Variants in MYO16 observed in about 807,000 individuals in gnomAD.
The protein encoded by MYO16 is myosin XVI.
In MYO16, 94 loss-of-function variants were observed where a neutral mutation model predicts 205.3. That is an observed-to-expected ratio of 0.46 (90% CI 0.39 to 0.54). The LOEUF (loss-of-function observed/expected upper bound fraction) is 0.54. MYO16 is among the 20% of genes least tolerant of loss of function. The pLI is 0.00. For synonymous variants in MYO16, 988 were observed against 954.0 expected, an observed-to-expected ratio of 1.04 and a Z score of -0.66; for missense variants, 2,315 against 2,387.5, an observed-to-expected ratio of 0.97 and a Z score of 0.63.
chr13:108,600,538 T>G (rs1878725189), intron 1 of MYO16, among the ~76,000 whole-genome samples: 1 of 152,250 alleles, frequency 6.6e-6, no homozygotes, highest in Non-Finnish European at 1.5e-5. Context: ...CTTTAGAAAT[T>G]TTTACTACTA....
chr13:108,714,437 G>C (rs1011647050), intron 3 of MYO16, among the ~76,000 whole-genome samples: 17 of 152,250 alleles, frequency 1.1e-4, no homozygotes, highest in African/African-American at 4.1e-4. Flanking sequence ...GAACATATCA[G>C]TGCAAGTCAT....
intron 1 of MYO16, among the ~76,000 whole-genome samples, chr13:108,651,968 T>C (rs1881025117): frequency 6.6e-6 from 1 of 152,144 alleles, no homozygotes; most frequent in African/African-American, 2.4e-5. Flanking sequence ...TTTTTTAGGC[T>C]CTGGGGGAGT....
the MYO16 span, among the ~76,000 whole-genome samples, chr13:108,501,924 G>A: frequency 2.0e-5 from 3 of 152,176 alleles, no homozygotes. Flanking sequence ...TAATTGTGAT[G>A]CCAGAAAAGA....
intron 23 of MYO16, among the ~76,000 whole-genome samples, chr13:109,040,122 C>T (rs1223477322): frequency 6.6e-6 from 1 of 151,842 alleles, no homozygotes; most frequent in African/African-American, 2.4e-5. Context: ...TTCAATTCAC[C>T]CAATATGAAA....
intron 15 of MYO16, among the ~76,000 whole-genome samples, chr13:108,905,730 T>A (rs1880938939): frequency 6.6e-6 from 1 of 151,448 alleles, no homozygotes; most frequent in Non-Finnish European, 1.5e-5. Flanking sequence ...TTTCTTTTGA[T>A]GATATTGTTT....
intron 10 of MYO16, among the ~76,000 whole-genome samples, chr13:108,850,136 A>C (rs2139087503): frequency 6.7e-6 from 1 of 150,114 alleles, no homozygotes; most frequent in South Asian, 2.1e-4. Context: ...TGTGTGTGTA[A>C]CTTATCCATA....
intron 23 of MYO16, among the ~76,000 whole-genome samples, chr13:109,040,226 G>T (rs945974875): frequency 1.3e-5 from 2 of 151,992 alleles, no homozygotes; most frequent in African/African-American, 4.8e-5. Flanking sequence ...TTTCACTGGA[G>T]AATTCTACCA....
At chr13:108,665,723 C>T (rs932060075) in intron 1 of MYO16, among the ~76,000 whole-genome samples, 163 bp from the exon 2 acceptor site, 1 of 152,052 alleles carries the variant, frequency 6.6e-6, no homozygotes, top group African/African-American at 2.4e-5. Context: ...ACTATTTTTC[C>T]CCAATCTATA....
chr13:108,529,329 A>G, the MYO16 span, among the ~76,000 whole-genome samples: 1 of 152,060 alleles, frequency 6.6e-6, no homozygotes, highest in African/African-American at 2.4e-5. Context: ...CCTTGAGGAG[A>G]GTATACTCTT....
At chr13:109,038,593 G>A (rs563941717) in intron 23 of MYO16, among the ~76,000 whole-genome samples, 1 of 152,116 alleles carries the variant, frequency 6.6e-6, no homozygotes, top group South Asian at 2.1e-4. Flanking sequence ...AATTATGTGA[G>A]CCAATAACTC....
At chr13:108,736,963 C>G (rs187103827) in intron 4 of MYO16, among the ~76,000 whole-genome samples, 2 of 152,232 alleles carry the variant, frequency 1.3e-5, no homozygotes, top group Admixed American at 1.3e-4. Flanking sequence ...TATAAGAATG[C>G]TTGAGATTTT....
At chr13:108,559,855 T>G in the MYO16 span, among the ~76,000 whole-genome samples, 2 of 152,088 alleles carry the variant, frequency 1.3e-5, no homozygotes, top group Non-Finnish European at 2.9e-5. Context: ...AAAAACAAGG[T>G]GCAGGAACAC....
chr13:108,558,297 A>C, the MYO16 span, among the ~76,000 whole-genome samples: 1 of 152,082 alleles, frequency 6.6e-6, no homozygotes, highest in Non-Finnish European at 1.5e-5. Flanking sequence ...ATTTCCACTG[A>C]ATTTTGCCTT....
rs57653337 is a variant in MYO16, at chr13:108,867,183, A to AAAAACAAAAC, written c.1425+961_1425+970dup. On this transcript the variant is annotated intron_variant, in intron 12 of 34. Coordinates refer to ENST00000457511, the MANE Select transcript of MYO16 (RefSeq NM_001198950.3). The stretch of plus-strand genomic sequence containing the variant: ...ACATAATGAGAGACCCATCTCTGCA[A>AAAAACAAAAC]AAAACAAAACAAAACAAAACAAAAC... Among the ~76,000 whole-genome samples, 44 of 151,612 alleles carry AAAAACAAAAC rather than the reference A, an allele frequency of 2.9e-4. 1 individual carries two copies. The highest frequency in any genetic ancestry group is 1.0e-3 in the African/African-American group (43 of 41,106).
intron 4 of MYO16, among the ~76,000 whole-genome samples, chr13:108,738,495 TGA>T (rs780373863): frequency 2.1e-4 from 32 of 152,228 alleles, no homozygotes; most frequent in Non-Finnish European, 4.1e-4. Context: ...CACTGTGGTC[TGA>T]GAGACAGTTT....
intron 25 of MYO16, among the ~76,000 whole-genome samples, chr13:109,054,013 T>G (rs1436741620): frequency 1.8e-4 from 28 of 152,102 alleles, no homozygotes; most frequent in Non-Finnish European, 4.4e-5. Flanking sequence ...CCTTCTTGTA[T>G]CAAGACCTTT....
intron 28 of MYO16, among the ~76,000 whole-genome samples, chr13:109,118,874 C>T (rs1875850666): frequency 6.6e-6 from 1 of 152,056 alleles, no homozygotes; most frequent in Non-Finnish European, 1.5e-5. Context: ...TAGCCACCCA[C>T]TCATGTTACT....
chr13:108,714,607 T>TGTGTGC (rs1338522373), intron 3 of MYO16, among the ~76,000 whole-genome samples: 28 of 143,170 alleles, frequency 2.0e-4, no homozygotes, highest in Middle Eastern at 3.4e-3. Flanking sequence ...TGTGTGTGTG[T>TGTGTGC]GTGTGTATAT....
At chr13:108,689,507 C>A (rs1882810326) in intron 2 of MYO16, among the ~76,000 whole-genome samples, 1 of 151,966 alleles carries the variant, frequency 6.6e-6, no homozygotes, top group African/African-American at 2.4e-5. Context: ...ACTTGAGTGA[C>A]CCATAAGGAT....
Sources: allele counts gnomAD v4.1 joint callset (sites outside exome capture counted in the v4.1 genomes callset), GRCh38; gene constraint gnomAD v4.1.1; transcripts MANE v1.5; gene names NCBI Gene and HGNC (gene_info 2026-07-23, HGNC 2026-07-21).